The following EPHB1 variants were observed in gnomAD, a reference collection of about 807,000 sequenced individuals.
EPHB1 encodes ephrin type-B receptor 1.
In EPHB1, 30 loss-of-function variants were observed where a neutral mutation model predicts 94.4. That is an observed-to-expected ratio of 0.32 (90% CI 0.24 to 0.43). EPHB1 has a LOEUF of 0.43. EPHB1 is among the 20% of genes least tolerant of loss of function. The probability of loss-of-function intolerance (pLI) is 1.00; values close to 1 mark genes in which losing one functional copy is unlikely to be tolerated. For missense variants in EPHB1, 1,055 were observed against 1,308.3 expected (o/e 0.81, Z 2.99); for synonymous variants, 522 against 489.1 (o/e 1.07, Z -0.89).
chr3:134,868,095 C>A (rs2037419058), intron 1 of EPHB1, among the ~76,000 whole-genome samples: 1 of 152,146 alleles, frequency 6.6e-6, no homozygotes, highest in Non-Finnish European at 1.5e-5. Flanking sequence ...TGAAAAGATA[C>A]CCAATTCTAC....
chr3:135,128,254 GCCT>G (rs1940283548), intron 4 of EPHB1, among the ~76,000 whole-genome samples: 1 of 152,188 alleles, frequency 6.6e-6, no homozygotes, highest in South Asian at 2.1e-4. Context: ...GTCTCAATTG[GCCT>G]CCTTCCTGGA....
chr3:134,999,227 AAG>A (rs1256056902), intron 3 of EPHB1, among the ~76,000 whole-genome samples: 2 of 152,172 alleles, frequency 1.3e-5, no homozygotes, highest in African/African-American at 4.8e-5. Flanking sequence ...GAAAGAAAAA[AAG>A]AGAGCTTGAG....
chr3:135,002,378 A>G (rs886946988), intron 3 of EPHB1, among the ~76,000 whole-genome samples: 2 of 152,206 alleles, frequency 1.3e-5, no homozygotes, highest in Non-Finnish European at 2.9e-5. Context: ...TTTTTGCATC[A>G]ATGTTCATCA....
intron 4 of EPHB1, among the ~76,000 whole-genome samples, chr3:135,118,316 T>A (rs971719756): frequency 2.0e-5 from 3 of 152,214 alleles, no homozygotes; most frequent in African/African-American, 7.2e-5. Flanking sequence ...TAAGAACACA[T>A]GTGCATACCT....
At chr3:134,816,317 C>T (rs1036891757) in intron 1 of EPHB1, among the ~76,000 whole-genome samples, 1 of 151,986 alleles carries the variant, frequency 6.6e-6, no homozygotes, top group African/African-American at 2.4e-5. Context: ...TGGTTTCGAA[C>T]TCCTGACCTC....
At chr3:135,173,065 C>T (rs181241642) in intron 9 of EPHB1, among the ~76,000 whole-genome samples, 2,652 of 147,092 alleles carry the variant, frequency 0.018, 69 homozygotes, top group African/African-American at 0.062. Context: ...GACGGAGTCT[C>T]GCTCTGTCGC....
At chr3:134,806,242 C>T (rs1560241180) in intron 1 of EPHB1, among the ~76,000 whole-genome samples, 1 of 152,194 alleles carries the variant, frequency 6.6e-6, no homozygotes, top group Non-Finnish European at 1.5e-5. Context: ...AGTGTTTCTG[C>T]ATAACTTTGG....
rs75736544 is a variant in EPHB1 at position 135,181,981 on chromosome 3, C to G, written c.1882+1999C>G. On this transcript the variant is annotated intron_variant, in intron 10 of 15. Coordinates refer to ENST00000398015, the MANE Select transcript of EPHB1 (RefSeq NM_004441.5). ...AAAGACCTCTGCCCAGTTACTCTGCCCAGTTACCATTCTGTAGCAGAGACC... is the reference window on the plus strand; with the variant it reads ...AAAGACCTCTGCCCAGTTACTCTGCGCAGTTACCATTCTGTAGCAGAGACC... 3.3e-4 allele frequency among the ~76,000 whole-genome samples: 51 copies of G among 152,298 alleles called. No homozygotes were observed. The East Asian group carries it at 8.9e-3, about 27-fold the overall frequency.
intron 3 of EPHB1, among the ~76,000 whole-genome samples, chr3:135,028,484 C>T (rs1195473910): frequency 7.6e-6 from 1 of 132,130 alleles, no homozygotes; most frequent in Non-Finnish European, 1.7e-5. Context: ...CGTTACGTAC[C>T]CAGTAGTCAT....
intron 5 of EPHB1, among the ~76,000 whole-genome samples, chr3:135,145,137 A>G (rs1008428318): frequency 6.6e-6 from 1 of 152,210 alleles, no homozygotes; most frequent in Non-Finnish European, 1.5e-5. Context: ...ATGAGTTTTC[A>G]TCTACAGTGG....
chr3:135,060,125 T>C (rs538099506), intron 3 of EPHB1, among the ~76,000 whole-genome samples: 1 of 152,264 alleles, frequency 6.6e-6, no homozygotes, highest in Non-Finnish European at 1.5e-5. Context: ...CGTGATCTTA[T>C]TACAAAACAT....
intron 13 of EPHB1, among the ~76,000 whole-genome samples, chr3:135,246,057 T>C (rs1297200018): frequency 6.6e-6 from 1 of 152,148 alleles, no homozygotes; most frequent in African/African-American, 2.4e-5. Flanking sequence ...GTGGTAAAGC[T>C]GTCTTGTCAG....
intron 3 of EPHB1, among the ~76,000 whole-genome samples, chr3:134,953,976 G>T (rs925501884): frequency 1.3e-5 from 2 of 152,218 alleles, no homozygotes; most frequent in Non-Finnish European, 2.9e-5. Context: ...GAGCTATTGT[G>T]AACATGGCTT....
rs1187053707 is a variant in EPHB1, at chr3:134,951,270, GC to G, written c.124-97del. Reference sequence around the variant, plus strand: ...TCTGCTGGACTGGTGAGCTCTTAAGGCCCCTTAGCCCCAGGATTCTCCTCTG... The same window carrying G: ...TCTGCTGGACTGGTGAGCTCTTAAGGCCCTTAGCCCCAGGATTCTCCTCTG... On this transcript the variant is annotated intron_variant, in intron 2 of 15. Transcript: ENST00000398015. This position sits in a 1 kb window ranked among gnomAD's most constrained non-coding sequence, Gnocchi z 4.5. The G allele has an allele frequency of 9.5e-7, 1 of 1,057,932 alleles. No homozygotes were observed. Among genetic ancestry groups the G allele is most frequent in the Non-Finnish European group, 1.3e-6 (1 of 755,392 alleles). The allele number at this position is 1,057,932 out of a possible 1,614,324, so 65.5% of individuals were successfully genotyped here. A position where few individuals can be genotyped will look rare whatever the true frequency, so the allele number is the denominator to read the frequency against.
intron 3 of EPHB1, among the ~76,000 whole-genome samples, chr3:135,012,629 T>A (rs893600226): frequency 6.6e-6 from 1 of 152,252 alleles, no homozygotes; most frequent in African/African-American, 2.4e-5. Context: ...TTGGATTTAG[T>A]TGGCATATTT....
At chr3:134,846,711 G>A (rs2036878497) in intron 1 of EPHB1, among the ~76,000 whole-genome samples, 1 of 152,030 alleles carries the variant, frequency 6.6e-6, no homozygotes, top group African/African-American at 2.4e-5. Flanking sequence ...GGAAGGAAAG[G>A]CATGGGGGCA....
intron 9 of EPHB1, among the ~76,000 whole-genome samples, chr3:135,179,018 CT>C (rs554650645): frequency 5.9e-5 from 9 of 151,358 alleles, no homozygotes; most frequent in East Asian, 3.9e-4. Context: ...GTTCCATTTC[CT>C]TTTTTTTTGT....
At chr3:134,803,005 C>T (rs2035963179) in intron 1 of EPHB1, among the ~76,000 whole-genome samples, 1 of 152,176 alleles carries the variant, frequency 6.6e-6, no homozygotes, top group Non-Finnish European at 1.5e-5. Context: ...CCCCCTCCAT[C>T]ACCAGTACAG....
chr3:135,217,663 T>C (rs970612419), intron 12 of EPHB1, among the ~76,000 whole-genome samples: 38 of 152,168 alleles, frequency 2.5e-4, no homozygotes, highest in African/African-American at 9.2e-4. Flanking sequence ...ATAGCTGGAC[T>C]TTTTTCTCTC....
Sources: allele counts gnomAD v4.1 joint callset (sites outside exome capture counted in the v4.1 genomes callset), GRCh38; gene constraint gnomAD v4.1.1; non-coding constraint Gnocchi (gnomAD v3.1); transcripts MANE v1.5; gene names NCBI Gene and HGNC (gene_info 2026-07-23, HGNC 2026-07-21).